The following ZNF722 variants were observed in gnomAD, a reference collection of about 807,000 sequenced individuals.
ZNF722 encodes zinc finger protein 479 pseudogene.
At chr7:64,004,170 G>A in the ZNF722 span, among the ~76,000 whole-genome samples, 1 of 151,628 alleles carries the variant, frequency 6.6e-6, no homozygotes, top group East Asian at 1.9e-4. Context: ...GGAGGCCAAG[G>A]CAGGCGGATC....
At chr7:64,015,297 A>G in the ZNF722 span, 1 of 1,262,484 alleles carries the variant, frequency 7.9e-7, no homozygotes, top group East Asian at 2.3e-5. Context: ...ACATGAAACA[A>G]GATATACTGG....
the ZNF722 span, among the ~76,000 whole-genome samples, chr7:64,016,349 G>C: frequency 6.6e-6 from 1 of 151,894 alleles, no homozygotes; most frequent in African/African-American, 2.4e-5. Flanking sequence ...TGTTGGCTAG[G>C]CTGGTCTCGA....
At chr7:64,006,265 C>G in the ZNF722 span, 1 of 1,306,176 alleles carries the variant, frequency 7.7e-7, no homozygotes, top group South Asian at 1.3e-5. Flanking sequence ...CTGTCTGGAG[C>G]AAAATAAAGA....
At chr7:64,008,801 G>A in the ZNF722 span, among the ~76,000 whole-genome samples, 27 of 152,280 alleles carry the variant, frequency 1.8e-4, no homozygotes, top group East Asian at 4.8e-3. Context: ...GTAGCTTGAT[G>A]GGGATGGCAT....
the ZNF722 span, among the ~76,000 whole-genome samples, chr7:64,007,240 A>G: frequency 2.1e-5 from 3 of 139,864 alleles, no homozygotes; most frequent in East Asian, 2.0e-4. Flanking sequence ...GTATATATAT[A>G]TATATATATA....
At chr7:64,008,378 T>C in the ZNF722 span, among the ~76,000 whole-genome samples, 53 of 152,200 alleles carry the variant, frequency 3.5e-4, no homozygotes, top group Admixed American at 7.2e-4. Flanking sequence ...TGGTTTTAGA[T>C]CTAACATTTG....
the ZNF722 span, among the ~76,000 whole-genome samples, chr7:64,007,256 T>TA: frequency 8.2e-6 from 1 of 121,390 alleles, no homozygotes; most frequent in African/African-American, 4.1e-5. Flanking sequence ...ATATATATAT[T>TA]TATACTTTAA....
At chr7:64,016,535 G>T in the ZNF722 span, among the ~76,000 whole-genome samples, 1 of 152,128 alleles carries the variant, frequency 6.6e-6, no homozygotes, top group Non-Finnish European at 1.5e-5. Context: ...AGCAAAGAAT[G>T]TGGTAACGCT....
At chr7:64,015,677 A>G in the ZNF722 span, 1 of 1,613,898 alleles carries the variant, frequency 6.2e-7, no homozygotes, top group Non-Finnish European at 8.5e-7. Flanking sequence ...AATGTGGCAA[A>G]GCCTTTAGCG....
the ZNF722 span, among the ~76,000 whole-genome samples, chr7:64,000,128 T>TG: frequency 5.5e-4 from 49 of 89,392 alleles, no homozygotes; most frequent in African/African-American, 1.3e-3. Context: ...ACTTTTTTTT[T>TG]TTTTTGTGTG....
At chr7:64,010,822 CTGTCTAATAT>C in the ZNF722 span, among the ~76,000 whole-genome samples, 1 of 152,128 alleles carries the variant, frequency 6.6e-6, no homozygotes, top group East Asian at 1.9e-4. Flanking sequence ...TCTTGTTGAT[CTGTCTAATAT>C]TGACAGTGGG....
chr7:64,017,182 A>G, the ZNF722 span, among the ~76,000 whole-genome samples: 3 of 152,138 alleles, frequency 2.0e-5, no homozygotes, highest in African/African-American at 4.8e-5. Flanking sequence ...TCAGGAGTTC[A>G]AGACCAGCCT....
At chr7:64,009,684 G>T in the ZNF722 span, among the ~76,000 whole-genome samples, 1 of 152,198 alleles carries the variant, frequency 6.6e-6, no homozygotes, top group African/African-American at 2.4e-5. Context: ...GTTCATCAGG[G>T]ATATTGGTCT....
chr7:64,005,578 G>A, the ZNF722 span: 1 of 874,074 alleles, frequency 1.1e-6, no homozygotes, highest in Non-Finnish European at 1.9e-6. Flanking sequence ...CTGTGTTCAT[G>A]AGTGTTTTTT....
chr7:64,008,466 A>G, the ZNF722 span, among the ~76,000 whole-genome samples: 2 of 152,228 alleles, frequency 1.3e-5, no homozygotes, highest in African/African-American at 4.8e-5. Flanking sequence ...ACATATGGCT[A>G]GCCAGTTTTC....
the ZNF722 span, among the ~76,000 whole-genome samples, chr7:64,008,065 C>A: frequency 3.3e-4 from 50 of 152,122 alleles, no homozygotes; most frequent in Non-Finnish European, 6.8e-4. Flanking sequence ...CTGTTCATAT[C>A]CTTTGCCCAG....
chr7:64,015,113 A>G, the ZNF722 span: 1 of 1,430,426 alleles, frequency 7.0e-7, no homozygotes, highest in Non-Finnish European at 9.9e-7. Flanking sequence ...GAACATATGG[A>G]AAATGTGGAC....
chr7:64,000,119 C>CTTTTTTTTT, the ZNF722 span, among the ~76,000 whole-genome samples: 1 of 142,746 alleles, frequency 7.0e-6, no homozygotes, highest in Non-Finnish European at 1.5e-5. Flanking sequence ...TTTTCCCTTA[C>CTTTTTTTTT]TTTTTTTTTT....
chr7:64,010,574 G>A, the ZNF722 span, among the ~76,000 whole-genome samples: 1 of 152,160 alleles, frequency 6.6e-6, no homozygotes, highest in Middle Eastern at 3.2e-3. Flanking sequence ...TCTTAATCCT[G>A]AGTTCTAATT....
Sources: gnomAD v4.1 joint callset for allele counts (sites outside exome capture counted in the v4.1 genomes callset) on GRCh38, gnomAD v4.1.1 for gene constraint, MANE v1.5 for transcripts, NCBI Gene and HGNC (gene_info 2026-07-23, HGNC 2026-07-21) for gene names.